The following CUX1 variants were observed in gnomAD, a reference collection of about 807,000 sequenced individuals.
CUX1 encodes the protein protein CASP.
CUX1 carries 31 observed loss-of-function variants against 158.8 expected under a neutral mutation model. That is an observed-to-expected ratio of 0.20 (90% CI 0.15 to 0.26). The LOEUF (loss-of-function observed/expected upper bound fraction) is 0.26. Ranked by LOEUF, CUX1 falls within the 10% of genes least tolerant of loss-of-function variation. The pLI, the probability that CUX1 is intolerant of heterozygous loss-of-function variation, is 1.00. For missense variants in CUX1, 1,589 were observed against 2,014.6 expected (o/e 0.79, Z 4.04); for synonymous variants, 879 against 862.1 (o/e 1.02, Z -0.34).
chr7:101,894,774 CT>C (rs1801285084), intron 1 of CUX1, among the ~76,000 whole-genome samples: 1 of 152,190 alleles, frequency 6.6e-6, no homozygotes, highest in African/African-American at 2.4e-5. Context: ...GGGGACAGCA[CT>C]GCTGTGGAGG....
intron 8 of CUX1, among the ~76,000 whole-genome samples, chr7:102,154,980 A>G (rs1339742848): frequency 2.0e-5 from 3 of 152,198 alleles, no homozygotes; most frequent in East Asian, 1.9e-4. Context: ...GATTTAGGCA[A>G]TTGTCAACCT....
intron 9 of CUX1, among the ~76,000 whole-genome samples, chr7:102,168,918 C>CTTTCTTT (rs1791381112): frequency 1.2e-5 from 1 of 84,132 alleles, no homozygotes; most frequent in Non-Finnish European, 2.3e-5. Context: ...CTTTTATTTT[C>CTTTCTTT]TTTTCTTTTC....
intron 2 of CUX1, among the ~76,000 whole-genome samples, chr7:101,972,974 G>C (rs1455134038): frequency 6.6e-6 from 1 of 152,224 alleles, no homozygotes. Context: ...TTACTGACCA[G>C]TGCAGCCAGC....
intron 14 of CUX1, among the ~76,000 whole-genome samples, chr7:102,272,882 G>T (rs1476451642): frequency 6.6e-6 from 1 of 152,100 alleles, no homozygotes; most frequent in Admixed American, 6.6e-5. Context: ...GCACCCCTAC[G>T]CGCCCCACTG....
At chr7:102,121,756 G>A (rs562861960) in intron 8 of CUX1, among the ~76,000 whole-genome samples, 9 of 152,280 alleles carry the variant, frequency 5.9e-5, no homozygotes, top group Admixed American at 2.6e-4. Flanking sequence ...TTGCATGGAT[G>A]AGGAAGCAGT....
At chr7:101,903,022 G>A (rs893942659) in intron 1 of CUX1, among the ~76,000 whole-genome samples, 23 of 152,314 alleles carry the variant, frequency 1.5e-4, no homozygotes, top group African/African-American at 4.6e-4. Flanking sequence ...AAGTCAAGGG[G>A]CCTGTTTCCC....
chr7:102,091,105 G>A (rs1451233033), intron 4 of CUX1, among the ~76,000 whole-genome samples: 1 of 152,110 alleles, frequency 6.6e-6, no homozygotes, highest in Non-Finnish European at 1.5e-5. Flanking sequence ...TATAGATGAT[G>A]GAAACATTTC....
At chr7:102,079,124 T>A (rs1171216785) in intron 4 of CUX1, among the ~76,000 whole-genome samples, 1 of 152,096 alleles carries the variant, frequency 6.6e-6, no homozygotes, top group East Asian at 1.9e-4. Flanking sequence ...AGATCCCACA[T>A]TAAGACTCCT....
intron 2 of CUX1, among the ~76,000 whole-genome samples, chr7:102,017,242 G>T (rs1228380045): frequency 6.7e-6 from 1 of 148,156 alleles, no homozygotes; most frequent in Non-Finnish European, 1.5e-5. Flanking sequence ...AGTGAGCCAA[G>T]ATCGCACCAC....
At chr7:102,014,913 CTCTG>C (rs1361695109) in intron 2 of CUX1, among the ~76,000 whole-genome samples, 5 of 151,698 alleles carry the variant, frequency 3.3e-5, no homozygotes, top group Non-Finnish European at 7.4e-5. Flanking sequence ...TACCGCTTAG[CTCTG>C]TCTTTCTGGC....
At chr7:102,086,404 T>C (rs967810770) in intron 4 of CUX1, among the ~76,000 whole-genome samples, 5 of 152,190 alleles carry the variant, frequency 3.3e-5, no homozygotes, top group Non-Finnish European at 5.9e-5. Context: ...ATGATTTCTG[T>C]TCTTTTGAAT....
intron 1 of CUX1, among the ~76,000 whole-genome samples, chr7:101,878,629 T>C (rs1799401975): frequency 6.6e-6 from 1 of 152,058 alleles, no homozygotes; most frequent in South Asian, 2.1e-4. Flanking sequence ...AAAAATTCTA[T>C]TAATAAAGAG....
At chr7:102,124,312 A>G (rs539537191) in intron 8 of CUX1, among the ~76,000 whole-genome samples, 15 of 152,234 alleles carry the variant, frequency 9.9e-5, no homozygotes, top group Non-Finnish European at 2.1e-4. Flanking sequence ...GCAGGCTGCA[A>G]TCCAGCAATG....
At chr7:102,029,597 A>G (rs542409770) in intron 3 of CUX1, among the ~76,000 whole-genome samples, 11 of 152,272 alleles carry the variant, frequency 7.2e-5, no homozygotes, top group Admixed American at 5.2e-4. Context: ...ATCAAAAGGG[A>G]CCAGCGTAGA....
chr7:102,005,162 T>A (rs1817178639), intron 2 of CUX1, among the ~76,000 whole-genome samples: 1 of 152,158 alleles, frequency 6.6e-6, no homozygotes, highest in African/African-American at 2.4e-5. Context: ...GGGGTTTTGC[T>A]GTGTCACAGA....
chr7:101,864,676 G>A (rs967112231), intron 1 of CUX1, among the ~76,000 whole-genome samples: 2 of 152,096 alleles, frequency 1.3e-5, no homozygotes, highest in East Asian at 1.9e-4. Context: ...TCAGCCTCCC[G>A]AGTAGCTGGG....
chr7:102,034,595 A>C (rs531121493), intron 3 of CUX1, among the ~76,000 whole-genome samples: 1 of 152,116 alleles, frequency 6.6e-6, no homozygotes, highest in Non-Finnish European at 1.5e-5. Context: ...TCTACTAAAA[A>C]TACAAAAATT....
intron 15 of CUX1, chr7:102,273,595 G>A: frequency 2.1e-6 from 3 of 1,434,914 alleles, no homozygotes; most frequent in Non-Finnish European, 2.8e-6. Flanking sequence ...TCAGGCAGCT[G>A]GTGACAACCC....
At position 102,201,627 on chromosome 7, in the gene CUX1, C is replaced by T. The variant is rs782193334; in HGVS notation, c.2330C>T (p.Ala777Val). ...PSAAPEAGAS[A>V]LPNPPALKKE... ...GCAGCTCCTGAGGCCGGTGCCTCTG[C>T]TCTGCCGAACCCCCCGGCCCTCAAA... The change falls in exon 18 of 24, where the codon GCT becomes GTT. Residue 777 changes from alanine to valine, a missense_variant. By Grantham distance (64) the Ala-to-Val change is moderately conservative. Transcript: ENST00000292535. The surrounding 1 kb of genome is among the most constrained non-coding windows in gnomAD (Gnocchi z 5.0). 8 of 1,613,720 alleles carry T rather than the reference C, an allele frequency of 5.0e-6. No homozygotes were observed. Among genetic ancestry groups the T allele is most frequent in the Admixed American group, 1.7e-5 (1 of 60,006 alleles).
Sources: gnomAD v4.1 joint callset for allele counts (sites outside exome capture counted in the v4.1 genomes callset) on GRCh38, gnomAD v4.1.1 for gene constraint, Gnocchi (gnomAD v3.1) non-coding constraint, MANE v1.5 for transcripts, NCBI Gene and HGNC (gene_info 2026-07-23, HGNC 2026-07-21) for gene names.